Variants in PMF1 observed in about 807,000 individuals in gnomAD.
PMF1 encodes polyamine modulated factor 1, also known as polyamine-modulated factor 1.
In PMF1, 21 loss-of-function variants were observed where a neutral mutation model predicts 26.7. The ratio of observed to expected loss-of-function variants is 0.79; its 90% CI spans 0.56 to 1.13. The LOEUF (loss-of-function observed/expected upper bound fraction) is 1.13, where lower values mean the gene tolerates loss of function less well. Among genes scored for constraint, PMF1 ranks in the 50% most tolerant of loss-of-function variants. PMF1 has a pLI of 0.00. For missense variants in PMF1, 266 were observed against 254.9 expected (o/e 1.04, Z -0.30); for synonymous variants, 105 against 101.0 (o/e 1.04, Z -0.24).
chr1:156,222,505 C>T (rs1658139184), intron 1 of PMF1, among the ~76,000 whole-genome samples: 1 of 152,190 alleles, frequency 6.6e-6, no homozygotes, highest in Admixed American at 6.5e-5. Flanking sequence ...GCGTCAGCCT[C>T]CTGAGTAGCC....
At chr1:156,225,056 C>T (rs1658282089) in intron 1 of PMF1, among the ~76,000 whole-genome samples, 1 of 151,858 alleles carries the variant, frequency 6.6e-6, no homozygotes, top group South Asian at 2.1e-4. Flanking sequence ...CCTGCCACTG[C>T]GCCCTGCTAA....
chr1:156,219,747 G>A (rs1005272936), intron 1 of PMF1, among the ~76,000 whole-genome samples: 4 of 151,370 alleles, frequency 2.6e-5, no homozygotes, highest in African/African-American at 7.3e-5. Context: ...CACCACACTT[G>A]GCTAATTTTT....
At position 156,213,075 on chromosome 1, in the gene PMF1, G is replaced by A. The variant is rs756274037; in HGVS notation, c.60G>A (p.Gly20=). 1.2e-6 allele frequency: 2 copies of A among 1,614,108 alleles called. No homozygotes were observed. The highest frequency in any genetic ancestry group is 1.3e-5 in the African/African-American group (1 of 74,944). Residue 20 remains glycine (G), a synonymous_variant, in exon 1 of 5, where the codon GGG becomes GGA. Coordinates refer to ENST00000368277, the MANE Select transcript of PMF1 (RefSeq NM_007221.4). ...GCTGTGAGGAAAAAAGGCATGAGGG[G>A]TCGTCTTCGGAATCTGTGCCACCCG... ...GSGCEEKRHE[G]SSSESVPPGT...
intron 3 of PMF1, among the ~76,000 whole-genome samples, chr1:156,235,784 G>A (rs1287470253): frequency 6.6e-6 from 1 of 152,214 alleles, no homozygotes; most frequent in Non-Finnish European, 1.5e-5. Flanking sequence ...TCCACCTCTT[G>A]TGTAATCTTG....
Position 156,218,738 on chromosome 1 carries a change from C to T in PMF1, c.161+5562C>T, listed in dbSNP as rs112721262. ...CGGAGGTTGCAGTGAGCTGAGATTG[C>T]GCCACTGCATTCCAGCCTGGGTGAC... On this transcript the variant is annotated intron_variant, in intron 1 of 4. Coordinates refer to ENST00000368277, the MANE Select transcript of PMF1 (RefSeq NM_007221.4). Among the ~76,000 whole-genome samples, 1,379 of 151,694 alleles carry T rather than the reference C, an allele frequency of 9.1e-3. 24 individuals carry two copies. Among genetic ancestry groups the T allele is most frequent in the African/African-American group, 0.032 (1,326 of 41,338 alleles).
intron 1 of PMF1, chr1:156,225,644 G>T: frequency 1.3e-6 from 2 of 1,561,130 alleles, no homozygotes; most frequent in Non-Finnish European, 1.7e-6. Flanking sequence ...GTTGGGCGGC[G>T]TGCAGGTTAC....
At chr1:156,219,467 A>C (rs1219101134) in intron 1 of PMF1, among the ~76,000 whole-genome samples, 1 of 152,078 alleles carries the variant, frequency 6.6e-6, no homozygotes, top group Non-Finnish European at 1.5e-5. Flanking sequence ...CTAGCCCACT[A>C]TGTCCCTGAG....
intron 4 of PMF1, among the ~76,000 whole-genome samples, chr1:156,237,775 T>C (rs917402801): frequency 4.6e-5 from 7 of 151,644 alleles, no homozygotes; most frequent in African/African-American, 1.7e-4. Flanking sequence ...AACTTTGTTT[T>C]TGAGACAGTC....
At chr1:156,224,933 T>C (rs1196484513) in intron 1 of PMF1, among the ~76,000 whole-genome samples, 1 of 151,348 alleles carries the variant, frequency 6.6e-6, no homozygotes, top group East Asian at 1.9e-4. Flanking sequence ...TCAGTCTTGC[T>C]CTGTTGCCCA....
intron 1 of PMF1, among the ~76,000 whole-genome samples, chr1:156,228,740 C>A (rs919576519): frequency 1.3e-5 from 2 of 152,074 alleles, no homozygotes; most frequent in Non-Finnish European, 2.9e-5. Flanking sequence ...GCCACAATTA[C>A]CCAGTTTCAA....
rs151299271 is a variant in PMF1 at position 156,239,987 on chromosome 1, G to T, written c.*386G>T. The T allele has an allele frequency of 1.3e-3, 278 of 213,260 alleles. 3 individuals are homozygous for T. Among genetic ancestry groups the T allele is most frequent in the African/African-American group, 6.0e-3 (262 of 43,664 alleles). 13.2% of individuals were successfully genotyped at this position (213,260 alleles called of 1,614,324 possible). On this transcript the variant is annotated 3_prime_UTR_variant, in exon 5 of 5. Transcript: ENST00000368277. ...TTGCCCCCTTGCTGGCCAGCCCAGGGGCCTTTACCATGTTCTCTCCACATC... is the reference window on the plus strand; with the variant it reads ...TTGCCCCCTTGCTGGCCAGCCCAGGTGCCTTTACCATGTTCTCTCCACATC...
chr1:156,226,823 C>T (rs1658397342), intron 1 of PMF1, among the ~76,000 whole-genome samples: 1 of 152,164 alleles, frequency 6.6e-6, no homozygotes, highest in Admixed American at 6.5e-5. Flanking sequence ...GTAGTCTGTC[C>T]AGAGAACCAG....
At chr1:156,218,635 A>G (rs1292776035) in intron 1 of PMF1, among the ~76,000 whole-genome samples, 8 of 152,056 alleles carry the variant, frequency 5.3e-5, no homozygotes, top group Non-Finnish European at 1.5e-5. Context: ...CAAAAAAATT[A>G]GCCAGGCATG....
chr1:156,214,647 G>GC (rs1472293228), intron 1 of PMF1, among the ~76,000 whole-genome samples: 2 of 151,926 alleles, frequency 1.3e-5, no homozygotes, highest in African/African-American at 4.8e-5. Context: ...GGAGGCTGAG[G>GC]CAGGAGGATC....
intron 1 of PMF1, among the ~76,000 whole-genome samples, chr1:156,216,558 T>C (rs1062299): frequency 6.6e-6 from 1 of 151,942 alleles, no homozygotes; most frequent in East Asian, 1.9e-4. Flanking sequence ...AGCCGCCTGC[T>C]GGGGCCCGCG....
At position 156,232,265 on chromosome 1, in the gene PMF1, G is replaced by A. The variant is rs1658752732; in HGVS notation, c.162-55G>A. 6 of 1,535,334 alleles carry A rather than the reference G, an allele frequency of 3.9e-6. No individual in the cohort carries two copies. The Admixed American group carries it at 6.7e-5, about 17-fold the overall frequency. ...CGAAGCGGAGGTACCCAGGCAGGCT[G>A]ATGGCCGGCCTCATGCTTGGCCCTC... On this transcript the variant is annotated intron_variant, in intron 1 of 4. Coordinates refer to ENST00000368277, the MANE Select transcript of PMF1 (RefSeq NM_007221.4).
At chr1:156,222,763 C>T (rs902664516) in intron 1 of PMF1, among the ~76,000 whole-genome samples, 6 of 151,288 alleles carry the variant, frequency 4.0e-5, no homozygotes, top group South Asian at 2.1e-4. Context: ...GTGATCCGCC[C>T]GCCTCAGCCT....
At chr1:156,227,012 A>C (rs1658406372) in intron 1 of PMF1, among the ~76,000 whole-genome samples, 2 of 152,166 alleles carry the variant, frequency 1.3e-5, no homozygotes, top group Admixed American at 6.5e-5. Flanking sequence ...CCTGGGGTCC[A>C]GGGTGGGCAG....
chr1:156,239,191 G>GAGTTACTT (rs1344889991), intron 4 of PMF1, among the ~76,000 whole-genome samples: 1 of 152,192 alleles, frequency 6.6e-6, no homozygotes, highest in Non-Finnish European at 1.5e-5. Flanking sequence ...CAATTTCCAT[G>GAGTTACTT]TCTGTAACTC....
Sources: allele counts gnomAD v4.1 joint callset (sites outside exome capture counted in the v4.1 genomes callset), GRCh38; gene constraint gnomAD v4.1.1; transcripts MANE v1.5; gene names NCBI Gene and HGNC (gene_info 2026-07-23, HGNC 2026-07-21).